The following BRIP1 variants were observed in gnomAD, a reference collection of about 807,000 sequenced individuals.
BRIP1 encodes Fanconi anemia group J protein.
In BRIP1, 88 loss-of-function variants were observed where a neutral mutation model predicts 119.7. The ratio of observed to expected loss-of-function variants is 0.74; its 90% CI spans 0.62 to 0.88. The LOEUF is 0.88. Ranked by LOEUF, BRIP1 falls within the 40% of genes least tolerant of loss-of-function variation. The pLI is 0.00. For synonymous variants in BRIP1, 443 were observed against 496.5 expected (o/e 0.89, Z 1.43); for missense variants, 1,259 against 1,455.4 (o/e 0.87, Z 2.20).
intron 14 of BRIP1, among the ~76,000 whole-genome samples, chr17:61,749,264 G>T (rs2159450): frequency 0.78 from 118,363 of 151,948 alleles, 46,646 homozygotes; most frequent in African/African-American, 0.85. Flanking sequence ...TAAAACCTAC[G>T]ATTGGGACCA....
chr17:61,754,919 C>T lies in BRIP1; in HGVS notation c.2098-10328G>A, dbSNP rs1351194883. Among the ~76,000 whole-genome samples, 2 of 152,154 alleles carry T rather than the reference C, an allele frequency of 1.3e-5. No homozygotes were observed. Among genetic ancestry groups the T allele is most frequent in the Non-Finnish European group, 2.9e-5 (2 of 68,024 alleles). On this transcript the variant is annotated intron_variant, in intron 14 of 19. Transcript: ENST00000259008. This position sits in a 1 kb window ranked among gnomAD's most constrained non-coding sequence, Gnocchi z 4.1. ...AATTACTTCCTTAGAGGCCCCATCTCCAAATATAACCACACTGGGGGTTAG... is the reference window on the plus strand; with the variant it reads ...AATTACTTCCTTAGAGGCCCCATCTTCAAATATAACCACACTGGGGGTTAG...
chr17:61,786,774 A>G (rs1174489606), intron 10 of BRIP1, among the ~76,000 whole-genome samples: 1 of 133,730 alleles, frequency 7.5e-6, no homozygotes, highest in Non-Finnish European at 1.6e-5. Flanking sequence ...TATATTATAT[A>G]TTTATATATA....
At chr17:61,750,558 G>C (rs928947213) in intron 14 of BRIP1, among the ~76,000 whole-genome samples, 7 of 152,030 alleles carry the variant, frequency 4.6e-5, no homozygotes, top group Non-Finnish European at 8.8e-5. Context: ...ATACTGTCAA[G>C]AAAGTTAAAA....
chr17:61,813,860 A>G lies in BRIP1; in HGVS notation c.628-5103T>C, dbSNP rs754634339. The stretch of plus-strand genomic sequence containing the variant: ...GAGCTTCATTCTTAAATTGTTCTAC[A>G]AAGTGTAGTTCTTGGAGTTTATCAC... On this transcript the variant is annotated intron_variant, in intron 6 of 19. Coordinates refer to ENST00000259008, the MANE Select transcript of BRIP1 (RefSeq NM_032043.3). Among the ~76,000 whole-genome samples, 16 of 152,184 alleles carry G rather than the reference A, an allele frequency of 1.1e-4. 1 individual carries two copies. Among genetic ancestry groups the G allele is most frequent in the South Asian group, 1.0e-3 (5 of 4,828 alleles).
Position 61,778,361 on chromosome 17 carries a change from T to C in BRIP1, c.1936-1799A>G, listed in dbSNP as rs2077565782. On this transcript the variant is annotated intron_variant, in intron 13 of 19. Coordinates refer to ENST00000259008, the MANE Select transcript of BRIP1 (RefSeq NM_032043.3). This position sits in a 1 kb window ranked among gnomAD's most constrained non-coding sequence, Gnocchi z 4.4. ...GGGAGAATAGAGAGCTGTTGTTTAA[T>C]GGGAACAGAGTTTCAGTTTTTCAAG... is the stretch of plus-strand genomic sequence containing the variant. Among the ~76,000 whole-genome samples the C allele has an allele frequency of 6.6e-6, 1 of 152,186 alleles. No homozygotes were observed. The highest frequency in any genetic ancestry group is 1.5e-5 in the Non-Finnish European group (1 of 68,038).
At chr17:61,781,715 G>A (rs2077621931) in intron 11 of BRIP1, among the ~76,000 whole-genome samples, 1 of 151,994 alleles carries the variant, frequency 6.6e-6, no homozygotes, top group Non-Finnish European at 1.5e-5. Flanking sequence ...GAGGTCAGGA[G>A]TTCGAGACCA....
In BRIP1 at chr17:61,780,307, G is replaced by GT. The variant is rs763818712; in HGVS notation, c.1888dup (p.Thr630AsnfsTer9). 5 of 1,612,562 alleles carry GT rather than the reference G, an allele frequency of 3.1e-6. No homozygotes were observed. Among genetic ancestry groups the GT allele is most frequent in the Non-Finnish European group, 4.2e-6 (5 of 1,178,818 alleles). On this transcript the variant is annotated frameshift_variant, in exon 13 of 20. Coordinates refer to ENST00000259008, the MANE Select transcript of BRIP1 (RefSeq NM_032043.3). LOFTEE classifies it high-confidence loss of function. This position sits in a 1 kb window ranked among gnomAD's most constrained non-coding sequence, Gnocchi z 5.4. ...ATTAGCCTCCAGCTGGATAGTAAAT[G>GT]TAACACCAAGTTCTGACGAAAAGGA... is the stretch of plus-strand genomic sequence containing the variant.
At position 61,814,757 on chromosome 17, in the gene BRIP1, C is replaced by A. The variant is rs67080913; in HGVS notation, c.628-6000G>T. The stretch of plus-strand genomic sequence containing the variant: ...AAACTCTTGCACATTAAGACAGATA[C>A]AAGAGGAATATTAATTGCAGCATTG... On this transcript the variant is annotated intron_variant, in intron 6 of 19. Coordinates refer to ENST00000259008, the MANE Select transcript of BRIP1 (RefSeq NM_032043.3). This position sits in a 1 kb window ranked among gnomAD's most constrained non-coding sequence, Gnocchi z 4.9. Among the ~76,000 whole-genome samples, 49,959 of 151,606 alleles carry A rather than the reference C, an allele frequency of 0.33. 8,284 individuals carry two copies. The highest frequency in any genetic ancestry group is 0.47 in the East Asian group (2,421 of 5,142).
chr17:61,772,579 G>A (rs1211079114), intron 14 of BRIP1, among the ~76,000 whole-genome samples: 1 of 152,076 alleles, frequency 6.6e-6, no homozygotes, highest in African/African-American at 2.4e-5. Flanking sequence ...AGCACTTTGG[G>A]AGGCCAAGGC....
rs1034481972 is a variant in BRIP1 at position 61,725,188 on chromosome 17, C to A, written c.2380-9125G>T. Among the ~76,000 whole-genome samples the A allele has an allele frequency of 6.6e-6, 1 of 151,516 alleles. No homozygotes were observed. On this transcript the variant is annotated intron_variant, in intron 16 of 19. Transcript: ENST00000259008. The surrounding 1 kb of genome is among the most constrained non-coding windows in gnomAD (Gnocchi z 5.3). ...AATGGGGAAAATGAGTTAGTTTCTG[C>A]CAAGAGTTAAGAAGCCAGGCTCCCT...
chr17:61,759,277 T>C lies in BRIP1; in HGVS notation c.2098-14686A>G, dbSNP rs2077243235. Among the ~76,000 whole-genome samples the C allele has an allele frequency of 6.6e-6, 1 of 152,080 alleles. No homozygotes were observed. The highest frequency in any genetic ancestry group is 1.5e-5 in the Non-Finnish European group (1 of 67,994). On this transcript the variant is annotated intron_variant, in intron 14 of 19. Transcript: ENST00000259008. The surrounding 1 kb of genome is among the most constrained non-coding windows in gnomAD (Gnocchi z 4.9). Reference sequence around the variant, plus strand: ...AACCAAAAGAGAGTGGGGTTATCTATACTTACATAAGACAAAATAGACTAA... The same window carrying C: ...AACCAAAAGAGAGTGGGGTTATCTACACTTACATAAGACAAAATAGACTAA...
At position 61,776,641 on chromosome 17, in the gene BRIP1, T is replaced by C. The variant is rs2077539490; in HGVS notation, c.1936-79A>G. 1.9e-5 allele frequency: 27 copies of C among 1,445,618 alleles called. 1 individual carries two copies. The highest frequency in any genetic ancestry group is 3.5e-4 in the Middle Eastern group (2 of 5,742). 89.5% of individuals were successfully genotyped at this position (1,445,618 alleles called of 1,614,324 possible). On this transcript the variant is annotated intron_variant, in intron 13 of 19. Coordinates refer to ENST00000259008, the MANE Select transcript of BRIP1 (RefSeq NM_032043.3). The surrounding 1 kb of genome is among the most constrained non-coding windows in gnomAD (Gnocchi z 5.0). ...TAGTATTTATTTGGAAGTATGTACA[T>C]AAAAGATCAAGCAACAAGTTTAACA...
In BRIP1 at chr17:61,804,954, CTGTGTGTGTGTGTG is replaced by C. The variant is rs59414906; in HGVS notation, c.919-3494_919-3481del. 0.018 allele frequency among the ~76,000 whole-genome samples: 2,456 copies of C among 139,204 alleles called. 41 individuals are homozygous for C. Among genetic ancestry groups the C allele is most frequent in the Non-Finnish European group, 0.02 (1,316 of 64,882 alleles). 91.3% of individuals were successfully genotyped at this position (139,204 alleles called of 152,430 possible). A position where few individuals can be genotyped will look rare whatever the true frequency, so the allele number is the denominator to read the frequency against. Reference sequence around the variant, plus strand: ...GGCAGGATGAAATGTCTCTCTCTTTCTGTGTGTGTGTGTGTGTGTGTGTGTGTGTGTGTGTGTGT... The same window carrying C: ...GGCAGGATGAAATGTCTCTCTCTTTCTGTGTGTGTGTGTGTGTGTGTGTGT... On this transcript the variant is annotated intron_variant, in intron 7 of 19. Transcript: ENST00000259008. This position sits in a 1 kb window ranked among gnomAD's most constrained non-coding sequence, Gnocchi z 4.5.
At chr17:61,723,229 G>A (rs1195189930) in intron 16 of BRIP1, among the ~76,000 whole-genome samples, 1 of 152,172 alleles carries the variant, frequency 6.6e-6, no homozygotes, top group Non-Finnish European at 1.5e-5. Flanking sequence ...GAAAAAGCCA[G>A]TTTCTCCTGC....
At position 61,780,936 on chromosome 17, in the gene BRIP1, G is replaced by A. The variant is rs1555602561; in HGVS notation, c.1698C>T (p.Asp566=). 1 of 1,613,950 alleles carries A rather than the reference G, an allele frequency of 6.2e-7. No homozygotes were observed. Among genetic ancestry groups the A allele is most frequent in the Non-Finnish European group, 8.5e-7 (1 of 1,179,916 alleles). ...TTGGTAGAACCAACAACCCATTTTTGTCTGAAATATCAATCTGATTTGTCC... is the reference window on the plus strand; with the variant it reads ...TTGGTAGAACCAACAACCCATTTTTATCTGAAATATCAATCTGATTTGTCC... ...YSWTNQIDIS[D]KNGLLVLPKN... is the part of the protein sequence containing the mutation. Residue 566 remains aspartate (D), a synonymous_variant, in exon 12 of 20, where the codon GAC becomes GAT. Coordinates refer to ENST00000259008, the MANE Select transcript of BRIP1 (RefSeq NM_032043.3). This position sits in a 1 kb window ranked among gnomAD's most constrained non-coding sequence, Gnocchi z 5.4.
At position 61,860,430 on chromosome 17, in the gene BRIP1, C is replaced by T. The variant is rs2078958480; in HGVS notation, c.94-523G>A. On this transcript the variant is annotated intron_variant, in intron 2 of 19. Transcript: ENST00000259008. The surrounding 1 kb of genome is among the most constrained non-coding windows in gnomAD (Gnocchi z 4.1). Reference sequence around the variant, plus strand: ...ATCCCATCACTTTGGGAGGCCAAGGCAGGTGGATCATTTGAGGTCAGGAGT... The same window carrying T: ...ATCCCATCACTTTGGGAGGCCAAGGTAGGTGGATCATTTGAGGTCAGGAGT... 6.6e-6 allele frequency among the ~76,000 whole-genome samples: 1 copy of T among 152,104 alleles called. No individual in the cohort carries two copies. The highest frequency in any genetic ancestry group is 2.1e-4 in the South Asian group (1 of 4,828).
Position 61,762,283 on chromosome 17 carries a change from A to T in BRIP1, c.2097+14118T>A, listed in dbSNP as rs140043218. 3.7e-4 allele frequency among the ~76,000 whole-genome samples: 56 copies of T among 152,218 alleles called. No homozygotes were observed. The highest frequency in any genetic ancestry group is 1.1e-3 in the African/African-American group (47 of 41,558). ...TAAAGATTTAAACCCAAGAACTGAA[A>T]CTGTAAAACTACTAGAAGAAAACAG... On this transcript the variant is annotated intron_variant, in intron 14 of 19. Coordinates refer to ENST00000259008, the MANE Select transcript of BRIP1 (RefSeq NM_032043.3). The surrounding 1 kb of genome is among the most constrained non-coding windows in gnomAD (Gnocchi z 4.3).
chr17:61,708,632 G>T lies in BRIP1; in HGVS notation c.2492+7319C>A, dbSNP rs1224353627. Among the ~76,000 whole-genome samples the T allele has an allele frequency of 6.6e-6, 1 of 152,138 alleles. No individual in the cohort carries two copies. Among genetic ancestry groups the T allele is most frequent in the Non-Finnish European group, 1.5e-5 (1 of 68,024 alleles). On this transcript the variant is annotated intron_variant, in intron 17 of 19. Transcript: ENST00000259008. This position sits in a 1 kb window ranked among gnomAD's most constrained non-coding sequence, Gnocchi z 4.4. ...TTTGCTTTGTTGGACTTGTTTTGTT[G>T]TTGTTGTTTTGGTCTGTTTTTCATG...
At chr17:61,847,579 C>A (rs565530607) in intron 5 of BRIP1, among the ~76,000 whole-genome samples, 4 of 152,112 alleles carry the variant, frequency 2.6e-5, no homozygotes, top group East Asian at 1.9e-4. Flanking sequence ...AAAAGTAAAT[C>A]AAAATTTAAG....
Sources: allele counts gnomAD v4.1 joint callset (sites outside exome capture counted in the v4.1 genomes callset), GRCh38; gene constraint gnomAD v4.1.1; non-coding constraint Gnocchi (gnomAD v3.1); transcripts MANE v1.5; gene names NCBI Gene and HGNC (gene_info 2026-07-23, HGNC 2026-07-21).